PRKAR2A: variants seen among roughly 807,000 people sequenced by gnomAD.
The protein encoded by PRKAR2A is protein kinase cAMP-dependent type II regulatory subunit alpha.
Under a neutral mutation model 51.9 loss-of-function variants are expected in PRKAR2A, and 29 were observed. The observed-to-expected ratio is 0.56, with a 90% CI of 0.42 to 0.76. The LOEUF is 0.76. Ranked by LOEUF, PRKAR2A falls within the 30% of genes least tolerant of loss-of-function variation. The probability of loss-of-function intolerance (pLI) is 0.00; values close to 1 mark genes in which losing one functional copy is unlikely to be tolerated. For synonymous variants in PRKAR2A, 178 were observed against 186.2 expected (o/e 0.96, Z 0.36); for missense variants, 445 against 512.1 (o/e 0.87, Z 1.26).
At chr3:48,785,330 G>A (rs1303618509) in intron 4 of PRKAR2A, among the ~76,000 whole-genome samples, 1 of 149,398 alleles carries the variant, frequency 6.7e-6, no homozygotes, top group Non-Finnish European at 1.5e-5. Context: ...GCACGATCTC[G>A]GCTCACTGCA....
chr3:48,801,442 C>T (rs1440493995), intron 2 of PRKAR2A, among the ~76,000 whole-genome samples: 1 of 152,130 alleles, frequency 6.6e-6, no homozygotes, highest in Non-Finnish European at 1.5e-5. Context: ...TGTGAGCCAC[C>T]ATGCCCAGCC....
chr3:48,822,621 T>C (rs2082985970), intron 1 of PRKAR2A, among the ~76,000 whole-genome samples: 2 of 152,080 alleles, frequency 1.3e-5, no homozygotes, highest in South Asian at 4.1e-4. Context: ...TGTCACAGAC[T>C]AGTAATCAAA....
chr3:48,807,804 A>T, intron 1 of PRKAR2A, 120 bp from the exon 2 acceptor site: 1 of 738,068 alleles, frequency 1.4e-6, no homozygotes, highest in Admixed American at 2.2e-5. Context: ...GCAGTGGGTC[A>T]GTTCATAGTC....
chr3:48,826,179 T>C (rs762054079), intron 1 of PRKAR2A, among the ~76,000 whole-genome samples: 5 of 152,082 alleles, frequency 3.3e-5, no homozygotes, highest in African/African-American at 4.8e-5. Context: ...GGTAGGAGGA[T>C]TGCCTGAGCC....
At chr3:48,788,708 C>G (rs1218838427) in intron 4 of PRKAR2A, among the ~76,000 whole-genome samples, 4 of 152,110 alleles carry the variant, frequency 2.6e-5, no homozygotes, top group African/African-American at 9.7e-5. Context: ...CCTCCTTCCA[C>G]CATGTGAGAA....
At chr3:48,793,899 G>T in intron 3 of PRKAR2A, 98 bp downstream of exon 3, 1 of 964,104 alleles carries the variant, frequency 1.0e-6, no homozygotes. Context: ...ATTTTAATTT[G>T]TATTTAATTA....
chr3:48,773,166 C>G (rs2082053320), intron 5 of PRKAR2A, 58 bp from the exon 6 acceptor site: 42 of 1,378,144 alleles, frequency 3.0e-5, no homozygotes, highest in Non-Finnish European at 4.0e-5. Context: ...ATGTTAAGAA[C>G]TGGCAGGTAC....
chr3:48,796,670 GTTT>G (rs11370685), intron 2 of PRKAR2A, among the ~76,000 whole-genome samples: 2 of 136,774 alleles, frequency 1.5e-5, no homozygotes, highest in African/African-American at 2.7e-5. Flanking sequence ...TAGAGACGGG[GTTT>G]TTTTTTTTTT....
chr3:48,836,028 ACAAT>A (rs1305618182), intron 1 of PRKAR2A, among the ~76,000 whole-genome samples: 1 of 152,150 alleles, frequency 6.6e-6, no homozygotes, highest in African/African-American at 2.4e-5. Context: ...TCCATGCATA[ACAAT>A]CAATTTTCAA....
At chr3:48,767,695 C>T (rs201157205) in intron 6 of PRKAR2A, among the ~76,000 whole-genome samples, 1 of 151,224 alleles carries the variant, frequency 6.6e-6, no homozygotes, top group East Asian at 2.0e-4. Context: ...GAGGCTGAGG[C>T]GGGTGGATCA....
chr3:48,816,675 A>G (rs1171342584), intron 1 of PRKAR2A, among the ~76,000 whole-genome samples: 1 of 152,132 alleles, frequency 6.6e-6, no homozygotes, highest in Non-Finnish European at 1.5e-5. Flanking sequence ...TATACAAATT[A>G]TCCTATCCAA....
At chr3:48,770,994 G>A (rs552766983) in intron 6 of PRKAR2A, among the ~76,000 whole-genome samples, 2 of 152,274 alleles carry the variant, frequency 1.3e-5, no homozygotes, top group Non-Finnish European at 2.9e-5. Context: ...GGGAGGCCGA[G>A]GTGGGCAGAT....
intron 1 of PRKAR2A, among the ~76,000 whole-genome samples, chr3:48,840,878 C>A (rs1340233154): frequency 3.0e-5 from 4 of 134,384 alleles, no homozygotes; most frequent in Non-Finnish European, 6.4e-5. Flanking sequence ...GCCTGGCCCA[C>A]CTTTTTTTTT....
chr3:48,788,895 C>A (rs1377684418), intron 4 of PRKAR2A, among the ~76,000 whole-genome samples: 7 of 152,082 alleles, frequency 4.6e-5, no homozygotes, highest in African/African-American at 1.7e-4. Flanking sequence ...GGACACCTAT[C>A]AGGAGATAGC....
chr3:48,835,314 C>A (rs1470795167), intron 1 of PRKAR2A, among the ~76,000 whole-genome samples: 4 of 151,402 alleles, frequency 2.6e-5, no homozygotes, highest in African/African-American at 9.7e-5. Flanking sequence ...CCAACCTGGC[C>A]AACATGGCGA....
At chr3:48,753,676 C>T (rs1053034165) in intron 9 of PRKAR2A, among the ~76,000 whole-genome samples, 6 of 152,128 alleles carry the variant, frequency 3.9e-5, no homozygotes, top group African/African-American at 7.2e-5. Context: ...CAGGTTTTCT[C>T]GCAATGCACA....
At chr3:48,828,932 C>G (rs1486399173) in intron 1 of PRKAR2A, among the ~76,000 whole-genome samples, 1 of 151,770 alleles carries the variant, frequency 6.6e-6, no homozygotes, top group African/African-American at 2.4e-5. Context: ...TTCCCAGGTT[C>G]AAGCAATTCT....
rs527755987 is a variant in PRKAR2A at position 48,785,410 on chromosome 3, C to T, written c.436-2318G>A. ...TGAGTAGCTGGGATTACAGAATGTG[C>T]CACCATGCCCAGCTAATTTTTGTAT... On this transcript the variant is annotated intron_variant, in intron 4 of 10. Transcript: ENST00000265563. Among the ~76,000 whole-genome samples, 4 of 152,096 alleles carry T rather than the reference C, an allele frequency of 2.6e-5. No homozygotes were observed. The East Asian group carries it at 7.7e-4, about 29-fold the overall frequency.
At chr3:48,764,937 G>A in intron 8 of PRKAR2A, 67 bp downstream of exon 8, 1 of 1,434,664 alleles carries the variant, frequency 7.0e-7, no homozygotes, top group Non-Finnish European at 9.7e-7. Context: ...AAGTTTTTGA[G>A]ATAAATGATG....
Sources: gnomAD v4.1 joint callset for allele counts (sites outside exome capture counted in the v4.1 genomes callset) on GRCh38, gnomAD v4.1.1 for gene constraint, MANE v1.5 for transcripts, NCBI Gene and HGNC (gene_info 2026-07-23, HGNC 2026-07-21) for gene names.